CA10: variants seen among roughly 807,000 people sequenced by gnomAD.
The protein encoded by CA10 is carbonic anhydrase-related protein 10.
CA10 carries 14 observed loss-of-function variants against 44.2 expected under a neutral mutation model. The ratio of observed to expected loss-of-function variants is 0.32; its 90% CI spans 0.21 to 0.50. CA10 has a LOEUF of 0.50. Among genes scored for constraint, CA10 ranks in the 20% least tolerant of loss-of-function variants. The pLI is 0.99. For synonymous variants in CA10, 159 were observed against 141.6 expected, an observed-to-expected ratio of 1.12 and a Z score of -0.87; for missense variants, 350 against 409.7, an observed-to-expected ratio of 0.85 and a Z score of 1.26.
rs550778123 is a variant in CA10 at position 51,822,111 on chromosome 17, G to T, written c.280-74293C>A. Reference sequence around the variant, plus strand: ...CATCCCTCACTTTCTTTAGGCCTTTGCTCATATCTCATATTAAAAACCCCA... The same window carrying T: ...CATCCCTCACTTTCTTTAGGCCTTTTCTCATATCTCATATTAAAAACCCCA... On this transcript the variant is annotated intron_variant, in intron 3 of 8. Coordinates refer to ENST00000451037, the MANE Select transcript of CA10 (RefSeq NM_020178.5). Among the ~76,000 whole-genome samples the T allele has an allele frequency of 2.6e-5, 4 of 152,082 alleles. No individual in the cohort carries two copies. In the South Asian group the frequency reaches 6.3e-4, roughly 24 times the overall value.
At chr17:51,967,869 G>A in intron 2 of CA10, among the ~76,000 whole-genome samples, 1 of 151,704 alleles carries the variant, frequency 6.6e-6, no homozygotes, top group Non-Finnish European at 1.5e-5. Flanking sequence ...TAAGGAGATA[G>A]AATACGAAAA....
intron 4 of CA10, among the ~76,000 whole-genome samples, chr17:51,681,432 A>G (rs1914841972): frequency 1.3e-5 from 2 of 152,190 alleles, no homozygotes; most frequent in African/African-American, 2.4e-5. Context: ...ATTGGTTGAT[A>G]TAAGGGATGG....
chr17:51,900,764 C>T (rs762245131), intron 3 of CA10, among the ~76,000 whole-genome samples: 17 of 152,014 alleles, frequency 1.1e-4, no homozygotes, highest in South Asian at 6.2e-4. Context: ...AAGCAGTGTT[C>T]GAGCTCTGCA....
chr17:52,063,451 T>C (rs1055836477), intron 2 of CA10, among the ~76,000 whole-genome samples: 1 of 152,198 alleles, frequency 6.6e-6, no homozygotes, highest in African/African-American at 2.4e-5. Flanking sequence ...AAACCTCATG[T>C]TGAAATTTGA....
intron 3 of CA10, among the ~76,000 whole-genome samples, chr17:51,920,076 A>G (rs1178206260): frequency 6.6e-6 from 1 of 152,218 alleles, no homozygotes; most frequent in African/African-American, 2.4e-5. Context: ...ATCTGCCTAT[A>G]AATTAATTAA....
chr17:52,049,838 C>G (rs1329549977), intron 2 of CA10, among the ~76,000 whole-genome samples: 1 of 152,052 alleles, frequency 6.6e-6, no homozygotes, highest in African/African-American at 2.4e-5. Flanking sequence ...TATATACAAC[C>G]ATAATCCTAT....
chr17:51,802,525 A>T (rs1254545743), intron 3 of CA10, among the ~76,000 whole-genome samples: 1 of 137,818 alleles, frequency 7.3e-6, no homozygotes, highest in African/African-American at 2.8e-5. Flanking sequence ...AGTCTAATGT[A>T]CTCTGCAGGC....
At chr17:51,702,035 G>C (rs1243531088) in intron 4 of CA10, among the ~76,000 whole-genome samples, 1 of 152,140 alleles carries the variant, frequency 6.6e-6, no homozygotes, top group East Asian at 1.9e-4. Flanking sequence ...TACCATGTGA[G>C]AGTCAGAAGG....
intron 3 of CA10, among the ~76,000 whole-genome samples, chr17:51,775,222 T>G (rs982656367): frequency 6.6e-6 from 1 of 152,202 alleles, no homozygotes; most frequent in African/African-American, 2.4e-5. Flanking sequence ...ACAGTCTGGT[T>G]TACTCTCTTG....
chr17:51,759,178 G>T (rs1235282922), intron 3 of CA10, among the ~76,000 whole-genome samples: 1 of 151,932 alleles, frequency 6.6e-6, no homozygotes, highest in Admixed American at 6.6e-5. Flanking sequence ...TTCTTAGTGA[G>T]TGGCTGGAGT....
At chr17:51,641,163 TCTC>T (rs1913069587) in intron 6 of CA10, among the ~76,000 whole-genome samples, 61 of 24,230 alleles carry the variant, frequency 2.5e-3, no homozygotes, top group Admixed American at 1.0e-2. Context: ...TCTCTCTCTC[TCTC>T]CTCTCTCTCT....
chr17:52,116,332 C>T (rs1988895708), intron 1 of CA10, among the ~76,000 whole-genome samples: 1 of 152,104 alleles, frequency 6.6e-6, no homozygotes, highest in Non-Finnish European at 1.5e-5. Context: ...GAACTTGGTT[C>T]CACAGCTTTG....
At chr17:51,856,154 C>T (rs1280712540) in intron 3 of CA10, among the ~76,000 whole-genome samples, 1 of 152,160 alleles carries the variant, frequency 6.6e-6, no homozygotes, top group Non-Finnish European at 1.5e-5. Flanking sequence ...TCTTTGCTGC[C>T]AGTGCTTTCT....
chr17:52,128,275 G>T (rs896081493), intron 1 of CA10, among the ~76,000 whole-genome samples: 2 of 152,136 alleles, frequency 1.3e-5, no homozygotes, highest in African/African-American at 4.8e-5. Flanking sequence ...TAGCCTGTTA[G>T]CTTCTCAACT....
intron 3 of CA10, among the ~76,000 whole-genome samples, chr17:51,897,473 T>C (rs1472497414): frequency 6.6e-6 from 1 of 152,194 alleles, no homozygotes; most frequent in African/African-American, 2.4e-5. Flanking sequence ...TGTAGCCTTG[T>C]AGTATAATTT....
chr17:52,096,862 C>T (rs531962785), intron 1 of CA10, among the ~76,000 whole-genome samples: 7 of 152,298 alleles, frequency 4.6e-5, no homozygotes, highest in Non-Finnish European at 8.8e-5. Flanking sequence ...GAAAATGCAT[C>T]TAGCCCTATC....
chr17:52,027,439 T>C (rs1181109724), intron 2 of CA10, among the ~76,000 whole-genome samples: 2 of 152,146 alleles, frequency 1.3e-5, no homozygotes, highest in South Asian at 2.1e-4. Flanking sequence ...TGGAATCCCC[T>C]CATCAGTTCT....
At chr17:52,135,081 C>T (rs1989326107) in intron 1 of CA10, 1 of 437,936 alleles carries the variant, frequency 2.3e-6, no homozygotes, top group Non-Finnish European at 4.6e-6. Flanking sequence ...TCCTAAGCCC[C>T]CCAACTGAAT....
chr17:51,952,969 C>T (rs1394989775), intron 2 of CA10, among the ~76,000 whole-genome samples: 1 of 152,114 alleles, frequency 6.6e-6, no homozygotes, highest in Non-Finnish European at 1.5e-5. Flanking sequence ...TAAAAAAGGA[C>T]TAGGCTGGTC....
Sources: allele counts gnomAD v4.1 joint callset (sites outside exome capture counted in the v4.1 genomes callset), GRCh38; gene constraint gnomAD v4.1.1; transcripts MANE v1.5; gene names NCBI Gene and HGNC (gene_info 2026-07-23, HGNC 2026-07-21).